Variants in ABCD4 observed in about 807,000 individuals in gnomAD.
The protein encoded by ABCD4 is ATP binding cassette subfamily D member 4, also known as lysosomal cobalamin transporter ABCD4.
In ABCD4, 53 loss-of-function variants were observed where a neutral mutation model predicts 86.3. The observed-to-expected ratio is 0.61, with a 90% CI of 0.49 to 0.77. The LOEUF is 0.77. ABCD4 is among the 30% of genes least tolerant of loss of function. ABCD4 has a pLI of 0.00. For missense variants in ABCD4, 757 were observed against 764.5 expected (o/e 0.99, Z 0.12); for synonymous variants, 328 against 313.6 (o/e 1.05, Z -0.49).
chr14:74,288,038 T>C, intron 16 of ABCD4, 152 bp from the exon 17 acceptor site: 1 of 1,042,122 alleles, frequency 9.6e-7, no homozygotes, highest in Non-Finnish European at 1.4e-6. Context: ...CCTACAGCCC[T>C]CACAGAGTGA....
chr14:74,294,306 C>G (rs957602999), intron 7 of ABCD4: 1 of 152,432 alleles, frequency 6.6e-6, no homozygotes, highest in South Asian at 2.1e-4. Flanking sequence ...CCACCCGCCT[C>G]GGCCTCCCAA....
chr14:74,292,999 TACTC>T, intron 8 of ABCD4, 130 bp from the exon 9 acceptor site: 10 of 1,503,728 alleles, frequency 6.7e-6, no homozygotes, highest in Non-Finnish European at 9.1e-6. Context: ...CTCCTGAGGA[TACTC>T]ACAGAAAGGC....
At chr14:74,295,594 G>A (rs942222023) in intron 6 of ABCD4, 24 of 563,194 alleles carry the variant, frequency 4.3e-5, no homozygotes, top group African/African-American at 5.7e-5. Context: ...TGACAATGAC[G>A]ATGGTGATGG....
chr14:74,298,129 A>G lies in ABCD4; in HGVS notation c.286-60T>C, dbSNP rs556607572. The G allele has an allele frequency of 1.9e-4, 304 of 1,588,868 alleles. 1 individual carries two copies. Among genetic ancestry groups the G allele is most frequent in the Non-Finnish European group, 3.8e-5 (45 of 1,170,694 alleles). On this transcript the variant is annotated intron_variant, in intron 3 of 18. Transcript: ENST00000356924. ...TGGCTTCCTGAAAATCTCAGCTCAA[A>G]GCTCAAGGCTCGCAAGAGCCTCCGC...
chr14:74,291,189 T>A (rs1208963374), intron 11 of ABCD4, among the ~76,000 whole-genome samples: 1 of 152,160 alleles, frequency 6.6e-6, no homozygotes, highest in African/African-American at 2.4e-5. Context: ...ACCATAAGCA[T>A]CCAGAATTGT....
chr14:74,289,316 G>C (rs2080796409), intron 14 of ABCD4, 167 bp downstream of exon 14: 1 of 1,423,774 alleles, frequency 7.0e-7, no homozygotes, highest in East Asian at 2.6e-5. Context: ...GGTGAGATCT[G>C]GGTACAGACC....
chr14:74,301,783 C>A (rs923804325), intron 1 of ABCD4, among the ~76,000 whole-genome samples: 3 of 152,194 alleles, frequency 2.0e-5, no homozygotes, highest in Admixed American at 2.0e-4. Flanking sequence ...CGTCTGTAAT[C>A]CCAGCTACTC....
chr14:74,289,591 C>A, intron 13 of ABCD4, 72 bp from the exon 14 acceptor site: 1 of 1,574,346 alleles, frequency 6.4e-7, no homozygotes, highest in Middle Eastern at 1.7e-4. Context: ...GCCCACCCTC[C>A]CTCCAGAACC....
intron 3 of ABCD4, 52 bp downstream of exon 3, chr14:74,299,496 G>A (rs2083746009): frequency 6.2e-7 from 1 of 1,603,460 alleles, no homozygotes; most frequent in African/African-American, 1.3e-5. Context: ...AGGCATTACG[G>A]TCACACTGGA....
chr14:74,301,113 CAA>C (rs1156322835), intron 1 of ABCD4, among the ~76,000 whole-genome samples: 1 of 150,306 alleles, frequency 6.7e-6, no homozygotes, highest in Non-Finnish European at 1.5e-5. Context: ...CTCGGCCTCC[CAA>C]AGTGCTGGGA....
rs1343760755 is a variant in ABCD4 at position 74,296,423 on chromosome 14, T to C, written c.452A>G (p.Glu151Gly). ...GCTGCTGAGCTGCCGGCAGAATCGC[T>C]CCACGTCCTGGCTGATGCGCTGGTC... ...NPDQRISQDV[E>G]RFCRQLSSMA... is the part of the protein sequence containing the mutation. Residue 151 changes from glutamate to glycine, a missense_variant, in exon 5 of 19, where the codon GAG becomes GGG. Transcript: ENST00000356924. 1 of 1,614,042 alleles carries C rather than the reference T, an allele frequency of 6.2e-7. No homozygotes were observed. Among genetic ancestry groups the C allele is most frequent in the Non-Finnish European group, 8.5e-7 (1 of 1,180,002 alleles).
Position 74,290,492 on chromosome 14 carries a change from CT to C in ABCD4, c.1125del (p.Trp377GlyfsTer27), listed in dbSNP as rs1440898011. ...TCTGCTGGCTCTGCCGCTGGCCACC[CT>C]GGGGGTCTGTGTCAGAGAAGAGAGG... is the stretch of plus-strand genomic sequence containing the variant. ...GESEWGLDTPPGWPAAEPADT... is the reference protein window; with the variant it reads ...GESEWGLDTPXGWPAAEPADT... On this transcript the variant is annotated frameshift_variant, in exon 12 of 19. Transcript: ENST00000356924. LOFTEE classifies it high-confidence loss of function. The C allele has an allele frequency of 1.2e-6, 2 of 1,612,962 alleles. No individual in the cohort carries two copies. The highest frequency in any genetic ancestry group is 1.7e-5 in the Admixed American group (1 of 60,020).
At chr14:74,298,963 G>A (rs562160081) in intron 3 of ABCD4, 119 of 155,568 alleles carry the variant, frequency 7.6e-4, no homozygotes, top group Non-Finnish European at 1.0e-3. Flanking sequence ...GAGTGTTACA[G>A]CGAGGTAAAC....
At position 74,286,281 on chromosome 14, in the gene ABCD4, C is replaced by T. The variant is rs4148081; in HGVS notation, c.*180G>A. On this transcript the variant is annotated 3_prime_UTR_variant, in exon 19 of 19. Transcript: ENST00000356924. ...GAACACTGGGAGATTCAGTGTCCCCCACAGAAACCTAGACCTGGGCTCAGC... is the reference window on the plus strand; with the variant it reads ...GAACACTGGGAGATTCAGTGTCCCCTACAGAAACCTAGACCTGGGCTCAGC... The T allele has an allele frequency of 0.016, 10,281 of 623,604 alleles. 241 individuals are homozygous for T. The highest frequency in any genetic ancestry group is 0.097 in the Admixed American group (3,315 of 34,034). 38.6% of individuals were successfully genotyped at this position (623,604 alleles called of 1,614,324 possible).
Position 74,286,685 on chromosome 14 carries a change from T to C in ABCD4, c.1752+16A>G. On this transcript the variant is annotated intron_variant, in intron 18 of 18. Coordinates refer to ENST00000356924, the MANE Select transcript of ABCD4 (RefSeq NM_005050.4). ...GTTCTTTCTCCTCCTCAGGCCATCC[T>C]TGTGAGCACGGGTACCTTCTCAAGG... 1 of 1,614,036 alleles carries C rather than the reference T, an allele frequency of 6.2e-7. No individual in the cohort carries two copies. The highest frequency in any genetic ancestry group is 8.5e-7 in the Non-Finnish European group (1 of 1,180,016).
intron 15 of ABCD4, 199 bp downstream of exon 15, chr14:74,288,517 T>A: frequency 1.5e-6 from 1 of 677,320 alleles, no homozygotes. Context: ...ATTCTTGTTT[T>A]AAAATTCTCC....
intron 2 of ABCD4, chr14:74,299,943 A>T: frequency 6.8e-6 from 4 of 586,686 alleles, no homozygotes; most frequent in Non-Finnish European, 1.2e-5. Context: ...GGTGCTTGTA[A>T]TCCCAGCTAC....
intron 14 of ABCD4, 197 bp from the exon 15 acceptor site, chr14:74,288,962 A>G: frequency 2.2e-6 from 2 of 914,894 alleles, no homozygotes; most frequent in Non-Finnish European, 1.5e-6. Context: ...ATATACAAAA[A>G]TTAGGCAGGC....
intron 3 of ABCD4, among the ~76,000 whole-genome samples, chr14:74,298,674 G>A (rs1414346675): frequency 6.6e-6 from 1 of 152,162 alleles, no homozygotes; most frequent in African/African-American, 2.4e-5. Context: ...CCATATTGTC[G>A]ATTCCATTTA....
Sources: gnomAD v4.1 joint callset for allele counts (sites outside exome capture counted in the v4.1 genomes callset) on GRCh38, gnomAD v4.1.1 for gene constraint, MANE v1.5 for transcripts, NCBI Gene and HGNC (gene_info 2026-07-23, HGNC 2026-07-21) for gene names.